Variants in MAGI2 observed in about 807,000 individuals in gnomAD.
MAGI2 encodes membrane-associated guanylate kinase, WW and PDZ domain-containing protein 2.
In MAGI2, 35 loss-of-function variants were observed where a neutral mutation model predicts 133.3. That is an observed-to-expected ratio of 0.26 (90% confidence interval 0.20 to 0.35). MAGI2 has a LOEUF of 0.35. Among genes scored for constraint, MAGI2 ranks in the 10% least tolerant of loss-of-function variants. The pLI, the probability that MAGI2 is intolerant of heterozygous loss-of-function variation, is 1.00. For synonymous variants in MAGI2, 729 were observed against 710.6 expected (o/e 1.03, Z -0.41); for missense variants, 1,636 against 1,863.4 (o/e 0.88, Z 2.25).
At position 78,127,413 on chromosome 7, in the gene MAGI2, GTAAC is replaced by G. The variant is rs1821102399; in HGVS notation, c.3204-1_3206del. The G allele has an allele frequency of 1.3e-6, 2 of 1,598,498 alleles. No individual in the cohort carries two copies. The highest frequency in any genetic ancestry group is 1.7e-6 in the Non-Finnish European group (2 of 1,177,082). On this transcript the variant is annotated splice_acceptor_variant and coding_sequence_variant, in exon 19 of 22. Transcript: ENST00000354212. LOFTEE classifies it high-confidence loss of function. ...CTTGCCTTGCTTTCACTTCCGACCT[GTAAC>G]TAAATCAATGGAAATGGGATTTGCT...
chr7:79,053,603 C>G (rs1678249920), intron 1 of MAGI2, among the ~76,000 whole-genome samples: 1 of 152,006 alleles, frequency 6.6e-6, no homozygotes, highest in Admixed American at 6.6e-5. Flanking sequence ...TGGAATGTAT[C>G]CTAAGTATTT....
chr7:78,328,502 A>AACACACACAC lies in MAGI2; in HGVS notation c.1408+15266_1408+15275dup, dbSNP rs1554346526. ...CAGCTCTTGTTGCTCCCAGCTCTAA[A>AACACACACAC]ACACACACACACACACACACACACA... On this transcript the variant is annotated intron_variant, in intron 9 of 21. Coordinates refer to ENST00000354212, the MANE Select transcript of MAGI2 (RefSeq NM_012301.4). 2.2e-3 allele frequency among the ~76,000 whole-genome samples: 230 copies of AACACACACAC among 105,168 alleles called. 1 individual carries two copies. The highest frequency in any genetic ancestry group is 5.2e-3 in the African/African-American group (129 of 25,002). The allele number at this position is 105,168 out of a possible 152,430, so 69.0% of individuals were successfully genotyped here.
chr7:78,826,388 T>TAAAAAAGA (rs1790653650), intron 2 of MAGI2, among the ~76,000 whole-genome samples: 1 of 147,846 alleles, frequency 6.8e-6, no homozygotes, highest in Non-Finnish European at 1.5e-5. Context: ...TATTAATAAG[T>TAAAAAAGA]AAAAAAGAAA....
chr7:79,025,212 A>G (rs1008926746), intron 1 of MAGI2, among the ~76,000 whole-genome samples: 10 of 152,160 alleles, frequency 6.6e-5, no homozygotes, highest in African/African-American at 2.4e-4. Context: ...TACCATGGAT[A>G]GAGTGGGAGG....
At chr7:78,718,591 G>A (rs1008007367) in intron 2 of MAGI2, among the ~76,000 whole-genome samples, 1 of 151,646 alleles carries the variant, frequency 6.6e-6, no homozygotes, top group Non-Finnish European at 1.5e-5. Context: ...CTGATGATGT[G>A]TCACTGTCCC....
chr7:79,086,153 T>C (rs1335481728), intron 1 of MAGI2, among the ~76,000 whole-genome samples: 2 of 151,918 alleles, frequency 1.3e-5, no homozygotes, highest in African/African-American at 4.8e-5. Context: ...GCAGCTGTGA[T>C]ACTAAACAAT....
At chr7:78,328,530 C>CACACACACACACACACACACA (rs10525463) in intron 9 of MAGI2, among the ~76,000 whole-genome samples, 8,132 of 123,644 alleles carry the variant, frequency 0.066, 447 homozygotes, top group African/African-American at 0.11. Context: ...CACACACACA[C>CACACACACACACACACACACA]CCCTCTCTCT....
chr7:78,033,166 A>G (rs1213798202), intron 21 of MAGI2, among the ~76,000 whole-genome samples: 2 of 152,102 alleles, frequency 1.3e-5, no homozygotes, highest in Non-Finnish European at 2.9e-5. Context: ...TGGATTCAGG[A>G]TATCTTTTTG....
intron 1 of MAGI2, among the ~76,000 whole-genome samples, chr7:79,349,462 T>TTAATAATAATAA (rs150162426): frequency 0.012 from 1,771 of 151,446 alleles, 38 homozygotes; most frequent in African/African-American, 0.041. Context: ...ATTCTTTTAG[T>TTAATAATAATAA]TAATAATAAT....
chr7:78,645,052 TGTTTTATG>T (rs1810712776), intron 2 of MAGI2, among the ~76,000 whole-genome samples: 1 of 80,286 alleles, frequency 1.2e-5, no homozygotes, highest in Non-Finnish European at 3.2e-5. Flanking sequence ...AACTAAAGCA[TGTTTTATG>T]TATAATATCC....
intron 10 of MAGI2, among the ~76,000 whole-genome samples, chr7:78,244,167 T>TAAAA (rs535442682): frequency 6.7e-4 from 46 of 68,824 alleles, no homozygotes; most frequent in African/African-American, 1.1e-3. Context: ...CTATTTAAAT[T>TAAAA]AAAAAAAAAA....
At chr7:78,460,512 G>C (rs999775815) in intron 6 of MAGI2, among the ~76,000 whole-genome samples, 8 of 152,240 alleles carry the variant, frequency 5.3e-5, no homozygotes, top group Admixed American at 2.6e-4. Context: ...ATACACACAC[G>C]GTATGGCAGA....
chr7:78,616,741 A>G (rs1453796899), intron 3 of MAGI2: 1 of 152,208 alleles, frequency 6.6e-6, no homozygotes. Context: ...ATTGGCCTAG[A>G]GCCAAGAAAG....
At chr7:78,489,365 C>T (rs1793374018) in intron 6 of MAGI2, among the ~76,000 whole-genome samples, 1 of 152,010 alleles carries the variant, frequency 6.6e-6, no homozygotes, top group Admixed American at 6.6e-5. Context: ...TGCTAGAATG[C>T]TAAGCCTTTC....
At chr7:78,924,028 T>A in intron 2 of MAGI2, among the ~76,000 whole-genome samples, 1 of 152,166 alleles carries the variant, frequency 6.6e-6, no homozygotes, top group Non-Finnish European at 1.5e-5. Context: ...TGCTTGTGAT[T>A]TTTGTATATT....
chr7:79,414,017 T>C (rs569634417), intron 1 of MAGI2: 6 of 152,146 alleles, frequency 3.9e-5, no homozygotes, highest in Non-Finnish European at 7.3e-5. Context: ...TGCATTATGA[T>C]AGAACAAGTA....
chr7:78,618,189 G>A (rs1051499045), intron 3 of MAGI2: 3 of 151,948 alleles, frequency 2.0e-5, no homozygotes, highest in Admixed American at 1.3e-4. Flanking sequence ...ACATGCAAGA[G>A]CCACTGCTTA....
At chr7:78,501,499 T>TTC (rs1554443918) in intron 5 of MAGI2, 78 bp downstream of exon 5, 1 of 1,208,546 alleles carries the variant, frequency 8.3e-7, no homozygotes. Context: ...TTTTTTTTTT[T>TTC]CCACGTCTAA....
At chr7:78,918,249 C>G (rs576628296) in intron 2 of MAGI2, among the ~76,000 whole-genome samples, 1 of 152,256 alleles carries the variant, frequency 6.6e-6, no homozygotes, top group South Asian at 2.1e-4. Context: ...CTATTTCTTA[C>G]TATGCCACAG....
Sources: allele counts gnomAD v4.1 joint callset (sites outside exome capture counted in the v4.1 genomes callset), GRCh38; gene constraint gnomAD v4.1.1; transcripts MANE v1.5; gene names NCBI Gene and HGNC (gene_info 2026-07-23, HGNC 2026-07-21).